The following CNTN6 variants were observed in gnomAD, a reference collection of about 807,000 sequenced individuals.
CNTN6 encodes the protein contactin-6.
In CNTN6, 137 loss-of-function variants were observed where a neutral mutation model predicts 122.8. That is an observed-to-expected ratio of 1.12 (90% confidence interval 0.97 to 1.29). The LOEUF (loss-of-function observed/expected upper bound fraction) is 1.29. Ranked by LOEUF, CNTN6 falls within the 50% of genes most tolerant of loss-of-function variation. CNTN6 has a pLI of 0.00. For synonymous variants in CNTN6, 570 were observed against 426.0 expected, an observed-to-expected ratio of 1.34 and a Z score of -4.16; for missense variants, 1,634 against 1,223.4, an observed-to-expected ratio of 1.34 and a Z score of -5.01.
At chr3:1,240,839 G>A (rs1184105806) in intron 4 of CNTN6, among the ~76,000 whole-genome samples, 1 of 152,182 alleles carries the variant, frequency 6.6e-6, no homozygotes, top group Non-Finnish European at 1.5e-5. Flanking sequence ...CTTCACGTGG[G>A]TGCAGGCGGG....
chr3:1,281,997 C>G (rs1004835837), intron 5 of CNTN6, among the ~76,000 whole-genome samples: 2 of 151,858 alleles, frequency 1.3e-5, no homozygotes, highest in Admixed American at 6.6e-5. Context: ...CACACACACA[C>G]ACACACACAC....
chr3:1,336,678 A>T (rs1373450109), intron 11 of CNTN6, among the ~76,000 whole-genome samples: 1 of 152,156 alleles, frequency 6.6e-6, no homozygotes, highest in African/African-American at 2.4e-5. Context: ...TGGCAAATGC[A>T]TGTACCTTGT....
At chr3:1,140,856 C>T (rs536531348) in intron 1 of CNTN6, among the ~76,000 whole-genome samples, 48 of 152,294 alleles carry the variant, frequency 3.2e-4, no homozygotes, top group South Asian at 2.1e-3. Flanking sequence ...CGCTGTGTTA[C>T]GTCTTTCTAC....
chr3:1,325,315 C>T (rs904098224), intron 8 of CNTN6, among the ~76,000 whole-genome samples: 2 of 151,802 alleles, frequency 1.3e-5, no homozygotes, highest in Non-Finnish European at 2.9e-5. Context: ...ACTGGATTAT[C>T]TTTCTACCAA....
chr3:1,191,228 T>C (rs1414688959), intron 2 of CNTN6, among the ~76,000 whole-genome samples: 1 of 152,074 alleles, frequency 6.6e-6, no homozygotes, highest in Non-Finnish European at 1.5e-5. Context: ...TCCTGGATCA[T>C]AGGAGTGTCA....
chr3:1,278,238 C>A (rs902521668), intron 4 of CNTN6, among the ~76,000 whole-genome samples, 175 bp from the exon 5 acceptor site: 2 of 152,158 alleles, frequency 1.3e-5, no homozygotes, highest in Non-Finnish European at 2.9e-5. Context: ...GAAAGAAACA[C>A]AAGATTTTGC....
chr3:1,168,494 A>C (rs1404403233), intron 2 of CNTN6, among the ~76,000 whole-genome samples: 1 of 151,000 alleles, frequency 6.6e-6, no homozygotes, highest in Admixed American at 6.6e-5. Context: ...CCCTTTCATC[A>C]CTGGCATCAA....
chr3:1,222,237 G>A lies in CNTN6; in HGVS notation c.182+1424G>A, dbSNP rs146980380. 3.1e-3 allele frequency among the ~76,000 whole-genome samples: 467 copies of A among 152,188 alleles called. 8 individuals carry two copies. The highest frequency in any genetic ancestry group is 0.011 in the African/African-American group (441 of 41,526). On this transcript the variant is annotated intron_variant, in intron 3 of 22. Coordinates refer to ENST00000446702, the MANE Select transcript of CNTN6 (RefSeq NM_001289080.2). The stretch of plus-strand genomic sequence containing the variant: ...GCAAATTTGGGACACTCAATTCAGA[G>A]TTTGTTGATTTGTTAGTTTTTCTTA...
intron 2 of CNTN6, among the ~76,000 whole-genome samples, chr3:1,202,289 C>G (rs895001249): frequency 6.6e-6 from 1 of 152,220 alleles, no homozygotes; most frequent in East Asian, 1.9e-4. Flanking sequence ...GCCTGTAATC[C>G]CAGCACTTCG....
At chr3:1,245,226 ATATATATATACACAC>A (rs1559595499) in intron 4 of CNTN6, among the ~76,000 whole-genome samples, 4 of 15,636 alleles carry the variant, frequency 2.6e-4, no homozygotes, top group African/African-American at 1.3e-3. Context: ...ATATATATAT[ATATATATATACACAC>A]ACACATATAT....
chr3:1,192,866 T>C (rs987631984), intron 2 of CNTN6, among the ~76,000 whole-genome samples: 2 of 152,172 alleles, frequency 1.3e-5, no homozygotes, highest in African/African-American at 2.4e-5. Context: ...CATTATTGCT[T>C]CCTCAACTTA....
At chr3:1,094,714 A>G (rs1444281383) in intron 1 of CNTN6, among the ~76,000 whole-genome samples, 1 of 151,998 alleles carries the variant, frequency 6.6e-6, no homozygotes, top group African/African-American at 2.4e-5. Context: ...AAAATCAATT[A>G]TGTTGTGAAA....
At chr3:1,198,357 T>A (rs1439344857) in intron 2 of CNTN6, among the ~76,000 whole-genome samples, 3 of 152,152 alleles carry the variant, frequency 2.0e-5, no homozygotes, top group African/African-American at 7.2e-5. Context: ...ATAAAAAGAA[T>A]AGCTTTGAAT....
chr3:1,328,113 A>G (rs779403211), intron 10 of CNTN6, among the ~76,000 whole-genome samples: 1 of 151,806 alleles, frequency 6.6e-6, no homozygotes, highest in Non-Finnish European at 1.5e-5. Context: ...GCGAGGTTAC[A>G]GAAATAATCA....
At chr3:1,125,814 A>C (rs1394180) in intron 1 of CNTN6, among the ~76,000 whole-genome samples, 70,947 of 150,992 alleles carry the variant, frequency 0.47, 16,876 homozygotes, top group African/African-American at 0.53. Flanking sequence ...TATGACAACC[A>C]CAGACATATT....
chr3:1,275,909 A>G (rs1390795348), intron 4 of CNTN6, among the ~76,000 whole-genome samples: 1 of 152,146 alleles, frequency 6.6e-6, no homozygotes, highest in Non-Finnish European at 1.5e-5. Flanking sequence ...TGGTTTTGGG[A>G]TTGGAGATCC....
rs776520200 is a variant in CNTN6, at chr3:1,377,081, T to A, written c.2166+6T>A. The A allele has an allele frequency of 6.3e-7, 1 of 1,587,412 alleles. No homozygotes were observed. The highest frequency in any genetic ancestry group is 1.7e-5 in the Admixed American group (1 of 57,254). On this transcript the variant is annotated splice_donor_region_variant and intron_variant, in intron 17 of 22. Coordinates refer to ENST00000446702, the MANE Select transcript of CNTN6 (RefSeq NM_001289080.2). ...AACTCGTCATTACGTGGGAGGTAATTTTCTGTCCAACTGAGTTATTTTGAA... is the reference window on the plus strand; with the variant it reads ...AACTCGTCATTACGTGGGAGGTAATATTCTGTCCAACTGAGTTATTTTGAA...
In CNTN6 at chr3:1,289,916, C is replaced by T. The variant is rs375743440; in HGVS notation, c.455-5685C>T. ...GTCTCGATCTCCTGACCTCGTGATCCGCCCGCCTCGGCCTCCCAAAGTGCT... is the reference window on the plus strand; with the variant it reads ...GTCTCGATCTCCTGACCTCGTGATCTGCCCGCCTCGGCCTCCCAAAGTGCT... On this transcript the variant is annotated intron_variant, in intron 5 of 22. Coordinates refer to ENST00000446702, the MANE Select transcript of CNTN6 (RefSeq NM_001289080.2). Among the ~76,000 whole-genome samples the T allele has an allele frequency of 1.1e-4, 16 of 152,242 alleles. No homozygotes were observed. In the East Asian group the frequency reaches 2.1e-3, roughly 20 times the overall value.
intron 11 of CNTN6, among the ~76,000 whole-genome samples, chr3:1,333,699 G>A (rs1052570461): frequency 6.6e-6 from 1 of 152,032 alleles, no homozygotes; most frequent in African/African-American, 2.4e-5. Flanking sequence ...GGGCTCTAAA[G>A]AAACCTATTC....
Sources: gnomAD v4.1 joint callset for allele counts (sites outside exome capture counted in the v4.1 genomes callset) on GRCh38, gnomAD v4.1.1 for gene constraint, MANE v1.5 for transcripts, NCBI Gene and HGNC (gene_info 2026-07-23, HGNC 2026-07-21) for gene names.